Variants in SOSTDC1 observed in about 807,000 individuals in gnomAD.
SOSTDC1 encodes the protein sclerostin domain containing 1, also known as sclerostin domain-containing protein 1.
A neutral mutation model predicts 15.1 loss-of-function variants in SOSTDC1; 7 were observed. That is an observed-to-expected ratio of 0.46 (90% CI 0.26 to 0.87). SOSTDC1 has a LOEUF of 0.87. SOSTDC1 is among the 40% of genes least tolerant of loss of function. The pLI is 0.15. For synonymous variants in SOSTDC1, 94 were observed against 93.2 expected (o/e 1.01, Z -0.05); for missense variants, 242 against 259.2 (o/e 0.93, Z 0.46).
Position 16,462,774 on chromosome 7 carries a change from C to T in SOSTDC1, c.395G>A (p.Arg132Gln), listed in dbSNP as rs1354710489. 6 of 1,614,014 alleles carry T rather than the reference C, an allele frequency of 3.7e-6. No homozygotes were observed. The highest frequency in any genetic ancestry group is 3.3e-5 in the South Asian group (3 of 91,082). ...GGTACGGGTTTTGTCATTGACACACCGCCACTCCTGGGAGCTCCTCCTGCT... is the reference window on the plus strand; with the variant it reads ...GGTACGGGTTTTGTCATTGACACACTGCCACTCCTGGGAGCTCCTCCTGCT... ...YWSRRSSQEW[R>Q]CVNDKTRTQR... The change falls in exon 2 of 2, where the codon CGG (arginine) becomes CAG (glutamine). Residue 132 changes from arginine (R) to glutamine (Q), a missense_variant. Physicochemically the swap from Arg to Gln is conservative, Grantham distance 43. Transcript: ENST00000307068.
chr7:16,464,147 G>C (rs1168623764), intron 1 of SOSTDC1, among the ~76,000 whole-genome samples: 2 of 152,200 alleles, frequency 1.3e-5, no homozygotes. Flanking sequence ...CTGTATGCTA[G>C]TACTTCTGAG....
chr7:16,464,531 C>G, intron 1 of SOSTDC1: 1 of 626,784 alleles, frequency 1.6e-6, no homozygotes, highest in Non-Finnish European at 2.9e-6. Context: ...AACATCCTAG[C>G]TTTCTTAGAC....
Position 16,465,713 on chromosome 7 carries a change from T to C in SOSTDC1, c.-45A>G, listed in dbSNP as rs1781293778. The C allele has an allele frequency of 4.6e-6, 7 of 1,532,304 alleles. 1 individual carries two copies. The highest frequency in any genetic ancestry group is 3.4e-4 in the Middle Eastern group (2 of 5,960). The allele number at this position is 1,532,304 out of a possible 1,614,324, so 94.9% of individuals were successfully genotyped here. The stretch of plus-strand genomic sequence containing the variant: ...TGACTGAAGAGCTGGTTAATTCTTT[T>C]GCTTCTGCTTCTGCACTGTAACTGT... On this transcript the variant is annotated 5_prime_UTR_variant, in exon 1 of 2. Transcript: ENST00000307068.
At position 16,461,537 on chromosome 7, in the gene SOSTDC1, C is replaced by A. The variant is rs542099622; in HGVS notation, c.*1011G>T. The stretch of plus-strand genomic sequence containing the variant: ...CACCCTTTATACATGTTAGAGGCAA[C>A]AACAATAACTTTTAGCAGTGTTTAT... On this transcript the variant is annotated 3_prime_UTR_variant, in exon 2 of 2. Coordinates refer to ENST00000307068, the MANE Select transcript of SOSTDC1 (RefSeq NM_015464.3). 1 of 152,270 alleles carries A rather than the reference C, an allele frequency of 6.6e-6. No homozygotes were observed. The highest frequency in any genetic ancestry group is 2.4e-5 in the African/African-American group (1 of 41,548). 9.4% of individuals were successfully genotyped at this position (152,270 alleles called of 1,614,324 possible).
Position 16,462,448 on chromosome 7 carries a change from T to G in SOSTDC1, c.*100A>C. The G allele has an allele frequency of 7.8e-7, 1 of 1,290,232 alleles. No individual in the cohort carries two copies. Among genetic ancestry groups the G allele is most frequent in the Non-Finnish European group, 1.1e-6 (1 of 909,496 alleles). The allele number at this position is 1,290,232 out of a possible 1,614,324, so 79.9% of individuals were successfully genotyped here. On this transcript the variant is annotated 3_prime_UTR_variant, in exon 2 of 2. Coordinates refer to ENST00000307068, the MANE Select transcript of SOSTDC1 (RefSeq NM_015464.3). ...TTTGATCAAAGCAGAAAGCATATACTTTCAAGTGAGAAAACAGCAGTGGCA... is the reference window on the plus strand; with the variant it reads ...TTTGATCAAAGCAGAAAGCATATACGTTCAAGTGAGAAAACAGCAGTGGCA...
intron 1 of SOSTDC1, among the ~76,000 whole-genome samples, chr7:16,463,201 T>A (rs754922475): frequency 5.6e-4 from 86 of 152,336 alleles, no homozygotes; most frequent in Non-Finnish European, 1.1e-3. Context: ...TAGGCCTGAT[T>A]GTTTTTATAT....
At position 16,465,519 on chromosome 7, in the gene SOSTDC1, C is replaced by A. The variant is rs140752909; in HGVS notation, c.150G>T (p.Leu50Phe). ...VPAHPSSNSTLNQARNGGRHF... is the reference protein window; with the variant it reads ...VPAHPSSNSTFNQARNGGRHF... ...GCCTGCCTCCATTTCTGGCTTGATT[C>A]AACGTGCTGTTGCTGCTGGGGTGTG... The change falls in exon 1 of 2, where the codon TTG becomes TTT. Residue 50 changes from leucine to phenylalanine, a missense_variant. Coordinates refer to ENST00000307068, the MANE Select transcript of SOSTDC1 (RefSeq NM_015464.3). The A allele has an allele frequency of 1.8e-4, 297 of 1,614,110 alleles. No individual in the cohort carries two copies. The East Asian group carries it at 6.6e-3, about 36-fold the overall frequency.
intron 1 of SOSTDC1, chr7:16,464,202 T>G: frequency 1.3e-6 from 1 of 772,296 alleles, no homozygotes; most frequent in Non-Finnish European, 2.2e-6. Flanking sequence ...GTGGAAAAAC[T>G]TATGTATATA....
In SOSTDC1 at chr7:16,465,540, G is replaced by C; in HGVS notation, c.129C>G (p.His43Gln). ...YSHVVKPVPA[H>Q]PSSNSTLNQA... is the part of the protein sequence containing the mutation. ...GATTCAACGTGCTGTTGCTGCTGGG[G>C]TGTGCTGGAACAGGTTTAACCACAT... The change falls in exon 1 of 2, where the codon CAC becomes CAG. Residue 43 changes from histidine (H) to glutamine (Q), a missense_variant. Physicochemically the swap from His to Gln is conservative, Grantham distance 24. Transcript: ENST00000307068. 6.2e-7 allele frequency: 1 copy of C among 1,614,162 alleles called. No homozygotes were observed. Among genetic ancestry groups the C allele is most frequent in the Non-Finnish European group, 8.5e-7 (1 of 1,180,012 alleles).
At chr7:16,464,534 T>TCGGCCGGGCGCGGTGG in intron 1 of SOSTDC1, 1 of 627,330 alleles carries the variant, frequency 1.6e-6, no homozygotes, top group Non-Finnish European at 2.9e-6. Context: ...ATCCTAGCTT[T>TCGGCCGGGCGCGGTGG]CTTAGACATT....
At chr7:16,464,530 G>C (rs1028302892) in intron 1 of SOSTDC1, 2 of 630,318 alleles carry the variant, frequency 3.2e-6, no homozygotes, top group Non-Finnish European at 5.7e-6. Flanking sequence ...AAACATCCTA[G>C]CTTTCTTAGA....
At chr7:16,463,093 T>A in intron 1 of SOSTDC1, 130 bp from the exon 2 acceptor site, 1 of 879,000 alleles carries the variant, frequency 1.1e-6, no homozygotes, top group Non-Finnish European at 1.7e-6. Context: ...AGCACCTACT[T>A]TATTTTCACA....
At position 16,462,512 on chromosome 7, in the gene SOSTDC1, T is replaced by C; in HGVS notation, c.*36A>G. 1 of 1,592,418 alleles carries C rather than the reference T, an allele frequency of 6.3e-7. No individual in the cohort carries two copies. ...CAAGCAATCAAATCTGTAAAGCAGATGGTTACTAGTAAGTCTAGTTATGGG... is the reference window on the plus strand; with the variant it reads ...CAAGCAATCAAATCTGTAAAGCAGACGGTTACTAGTAAGTCTAGTTATGGG... On this transcript the variant is annotated 3_prime_UTR_variant, in exon 2 of 2. Transcript: ENST00000307068.
Position 16,462,958 on chromosome 7 carries a change from C to A in SOSTDC1, c.211G>T (p.Val71Phe), listed in dbSNP as rs749740097. The A allele has an allele frequency of 3.9e-6, 6 of 1,552,272 alleles. No individual in the cohort carries two copies. Reference protein sequence around the residue: ...SNTGLDRNTRVQVGCRELRST... With the variant: ...SNTGLDRNTRFQVGCRELRST... ...CGCAGTTCCCGGCAACCCACTTGAACCCGAGCTGCAGGAAACAAAAAAGAA... is the reference window on the plus strand; with the variant it reads ...CGCAGTTCCCGGCAACCCACTTGAAACCGAGCTGCAGGAAACAAAAAAGAA... Residue 71 changes from valine to phenylalanine, a missense_variant, in exon 2 of 2, where the codon GTT becomes TTT. Transcript: ENST00000307068.
intron 1 of SOSTDC1, 105 bp from the exon 2 acceptor site, chr7:16,463,068 G>T: frequency 1.7e-6 from 2 of 1,173,054 alleles, no homozygotes; most frequent in Non-Finnish European, 2.3e-6. Flanking sequence ...ATAGCAAATT[G>T]CCAAATAGAA....
Position 16,462,392 on chromosome 7 carries a change from A to T in SOSTDC1, c.*156T>A, listed in dbSNP as rs1781224197. ...TGAAAAGGAAAAACTATTCCCAAAG[A>T]AGGTCCTGATACTTAAGACAGCTTG... On this transcript the variant is annotated 3_prime_UTR_variant, in exon 2 of 2. Coordinates refer to ENST00000307068, the MANE Select transcript of SOSTDC1 (RefSeq NM_015464.3). 1.4e-6 allele frequency: 1 copy of T among 726,422 alleles called. No homozygotes were observed. The highest frequency in any genetic ancestry group is 2.6e-5 in the East Asian group (1 of 38,502). The allele number at this position is 726,422 out of a possible 1,614,324, so 45.0% of individuals were successfully genotyped here. A position where few individuals can be genotyped will look rare whatever the true frequency, so the allele number is the denominator to read the frequency against.
In SOSTDC1 at chr7:16,462,620, T is replaced by C. The variant is rs773148565; in HGVS notation, c.549A>G (p.Ser183=). The C allele has an allele frequency of 6.3e-7, 1 of 1,590,618 alleles. No homozygotes were observed. Among genetic ancestry groups the C allele is most frequent in the African/African-American group, 1.3e-5 (1 of 74,080 alleles). The change falls in exon 2 of 2, where the codon TCA becomes TCG. Residue 183 remains serine, a synonymous_variant. Transcript: ENST00000307068. ...NESSHNFESM[S]PAKPVQHHRE... Reference sequence around the variant, plus strand: ...TGTGATGCTGGACTGGCTTGGCAGGTGACATGCTCTCAAAGTTGTGACTGG... The same window carrying C: ...TGTGATGCTGGACTGGCTTGGCAGGCGACATGCTCTCAAAGTTGTGACTGG...
chr7:16,463,468 G>A (rs1385045478), intron 1 of SOSTDC1, among the ~76,000 whole-genome samples: 2 of 151,966 alleles, frequency 1.3e-5, no homozygotes, highest in East Asian at 1.9e-4. Context: ...ATATGCTCTC[G>A]GTAATATTTT....
chr7:16,463,686 G>T (rs1184374752), intron 1 of SOSTDC1, among the ~76,000 whole-genome samples: 1 of 152,044 alleles, frequency 6.6e-6, no homozygotes, highest in African/African-American at 2.4e-5. Context: ...AGGAACGTAT[G>T]GTTGCCATAA....
Sources: allele counts gnomAD v4.1 joint callset (sites outside exome capture counted in the v4.1 genomes callset), GRCh38; gene constraint gnomAD v4.1.1; transcripts MANE v1.5; gene names NCBI Gene and HGNC (gene_info 2026-07-23, HGNC 2026-07-21).